The following HLCS variants were observed in gnomAD, a reference collection of about 807,000 sequenced individuals.
The protein encoded by HLCS is holocarboxylase synthetase.
Under a neutral mutation model 75.0 loss-of-function variants are expected in HLCS, and 53 were observed. The observed-to-expected ratio is 0.71, with a 90% CI of 0.57 to 0.89. HLCS has a LOEUF of 0.89. Ranked by LOEUF, HLCS falls within the 40% of genes least tolerant of loss-of-function variation. HLCS has a pLI of 0.00. For synonymous variants in HLCS, 431 were observed against 428.6 expected (o/e 1.01, Z -0.07); for missense variants, 966 against 1,074.0 (o/e 0.90, Z 1.41).
At chr21:36,892,517 A>G (rs1327651063) in intron 6 of HLCS, among the ~76,000 whole-genome samples, 1 of 152,206 alleles carries the variant, frequency 6.6e-6, no homozygotes, top group African/African-American at 2.4e-5. Context: ...GCCCTAAAAG[A>G]GAAAACGGCA....
At chr21:36,908,347 C>G (rs2065551796) in intron 5 of HLCS, among the ~76,000 whole-genome samples, 1 of 151,674 alleles carries the variant, frequency 6.6e-6, no homozygotes, top group Admixed American at 6.6e-5. Context: ...CATGACTGTG[C>G]CACTGCACTG....
At chr21:36,924,970 T>C (rs1029599653) in intron 5 of HLCS, among the ~76,000 whole-genome samples, 1 of 151,948 alleles carries the variant, frequency 6.6e-6, no homozygotes, top group Non-Finnish European at 1.5e-5. Context: ...CTTAAATATA[T>C]ACAATTTAAA....
intron 6 of HLCS, among the ~76,000 whole-genome samples, chr21:36,886,519 T>G (rs944958160): frequency 6.7e-6 from 1 of 149,880 alleles, no homozygotes; most frequent in Non-Finnish European, 1.5e-5. Context: ...CAGCTTGCCC[T>G]ACCCTGAAGG....
At chr21:36,978,777 G>A (rs779965149) in intron 1 of HLCS, among the ~76,000 whole-genome samples, 2 of 152,208 alleles carry the variant, frequency 1.3e-5, no homozygotes, top group Non-Finnish European at 2.9e-5. Context: ...AGCACATGAA[G>A]AGAACTGTTC....
intron 5 of HLCS, among the ~76,000 whole-genome samples, chr21:36,913,009 T>C (rs2065786141): frequency 6.6e-6 from 1 of 152,220 alleles, no homozygotes; most frequent in African/African-American, 2.4e-5. Context: ...AACAAGAGTA[T>C]GAAAGCCACC....
chr21:36,787,099 C>T (rs1439545051), intron 6 of HLCS, among the ~76,000 whole-genome samples: 1 of 152,228 alleles, frequency 6.6e-6, no homozygotes, highest in Non-Finnish European at 1.5e-5. Context: ...CTTTCCAGGG[C>T]GAAGAAGCAC....
intron 6 of HLCS, among the ~76,000 whole-genome samples, chr21:36,803,311 C>A (rs1442556145): frequency 6.6e-6 from 1 of 152,240 alleles, no homozygotes; most frequent in East Asian, 1.9e-4. Flanking sequence ...CAGCTTCCTT[C>A]TCCATGGTCT....
intron 2 of HLCS, among the ~76,000 whole-genome samples, chr21:36,957,799 C>G (rs7509870): frequency 0.61 from 92,607 of 150,684 alleles, 28,698 homozygotes; most frequent in East Asian, 0.75. Flanking sequence ...CGTTGTGGCA[C>G]GCGCCTGCAG....
At chr21:36,893,036 A>G (rs1364379752) in intron 6 of HLCS, among the ~76,000 whole-genome samples, 4 of 152,114 alleles carry the variant, frequency 2.6e-5, no homozygotes, top group South Asian at 4.1e-4. Context: ...CAGCCTCCCA[A>G]AGTGCTGCAA....
chr21:36,788,645 G>C (rs2060768072), intron 6 of HLCS, among the ~76,000 whole-genome samples: 2 of 152,210 alleles, frequency 1.3e-5, no homozygotes, highest in South Asian at 4.1e-4. Context: ...GTCTGGGAGA[G>C]AGGTTTATGT....
At chr21:36,851,535 G>T (rs1054926477) in intron 6 of HLCS, among the ~76,000 whole-genome samples, 3 of 152,174 alleles carry the variant, frequency 2.0e-5, no homozygotes, top group East Asian at 1.9e-4. Context: ...GTAGTGGGGG[G>T]CAGGGAGGTA....
intron 6 of HLCS, among the ~76,000 whole-genome samples, chr21:36,830,675 TAA>T (rs150848930): frequency 2.6e-5 from 4 of 151,622 alleles, no homozygotes; most frequent in Non-Finnish European, 5.9e-5. Flanking sequence ...ACCTTGTCTC[TAA>T]AAAAAGTTTA....
chr21:36,764,421 T>C (rs1290569716), intron 8 of HLCS, among the ~76,000 whole-genome samples: 1 of 148,978 alleles, frequency 6.7e-6, no homozygotes, highest in Non-Finnish European at 1.5e-5. Flanking sequence ...TAAGTAAACA[T>C]GACCAGGTGC....
chr21:36,893,766 G>T (rs1191418574), intron 6 of HLCS, among the ~76,000 whole-genome samples: 1 of 152,202 alleles, frequency 6.6e-6, no homozygotes, highest in Non-Finnish European at 1.5e-5. Flanking sequence ...CTCACCTACT[G>T]CTGCGCCGCC....
intron 2 of HLCS, among the ~76,000 whole-genome samples, chr21:36,960,818 A>C (rs1250040604): frequency 6.6e-6 from 1 of 152,206 alleles, no homozygotes; most frequent in Non-Finnish European, 1.5e-5. Context: ...GACCTCCAGG[A>C]GCCTCAGGGC....
intron 9 of HLCS, 105 bp downstream of exon 9, chr21:36,759,622 C>T (rs2089748402): frequency 4.1e-6 from 3 of 740,248 alleles, no homozygotes; most frequent in Non-Finnish European, 7.3e-6. Flanking sequence ...TCAAAGTAAC[C>T]TCATATGATA....
chr21:36,778,922 A>C (rs192045814), intron 6 of HLCS, among the ~76,000 whole-genome samples: 3 of 152,240 alleles, frequency 2.0e-5, no homozygotes, highest in African/African-American at 7.2e-5. Context: ...GCTCATCTTG[A>C]ACTTTCTCAG....
chr21:36,821,627 C>T (rs2146003946), intron 6 of HLCS, among the ~76,000 whole-genome samples: 1 of 152,318 alleles, frequency 6.6e-6, no homozygotes, highest in Admixed American at 6.5e-5. Context: ...TTCTGCAACC[C>T]AAATGTTCAC....
At chr21:36,769,002 G>A (rs938766256) in intron 6 of HLCS, among the ~76,000 whole-genome samples, 4 of 152,158 alleles carry the variant, frequency 2.6e-5, no homozygotes, top group Non-Finnish European at 5.9e-5. Context: ...TGAGCAGATC[G>A]CAAAAGCAAT....
Sources: allele counts gnomAD v4.1 joint callset (sites outside exome capture counted in the v4.1 genomes callset), GRCh38; gene constraint gnomAD v4.1.1; transcripts MANE v1.5; gene names NCBI Gene and HGNC (gene_info 2026-07-23, HGNC 2026-07-21).